THADA: variants seen among roughly 807,000 people sequenced by gnomAD.
THADA encodes the protein THADA armadillo repeat containing.
A neutral mutation model predicts 219.8 loss-of-function variants in THADA; 213 were observed. The ratio of observed to expected loss-of-function variants is 0.97; its 90% CI spans 0.87 to 1.09. The LOEUF (loss-of-function observed/expected upper bound fraction) is 1.09. Ranked by LOEUF, THADA falls within the 50% of genes least tolerant of loss-of-function variation. THADA has a pLI of 0.00. For missense variants in THADA, 2,956 were observed against 2,311.3 expected, an observed-to-expected ratio of 1.28 and a Z score of -5.72; for synonymous variants, 1,018 against 828.9, an observed-to-expected ratio of 1.23 and a Z score of -3.92.
chr2:43,325,219 G>A (rs1370802772), intron 30 of THADA, among the ~76,000 whole-genome samples: 2 of 152,126 alleles, frequency 1.3e-5, no homozygotes, highest in Admixed American at 1.3e-4. Context: ...CCAGTGTCTA[G>A]AGGACAGCAG....
At chr2:43,248,594 T>G (rs1258933133) in intron 36 of THADA, among the ~76,000 whole-genome samples, 1 of 152,202 alleles carries the variant, frequency 6.6e-6, no homozygotes, top group Non-Finnish European at 1.5e-5. Flanking sequence ...AAATAATTTC[T>G]TGATGAAATG....
chr2:43,553,289 T>C (rs566768038), intron 17 of THADA, among the ~76,000 whole-genome samples: 1 of 152,342 alleles, frequency 6.6e-6, no homozygotes, highest in African/African-American at 2.4e-5. Flanking sequence ...ATGTTTGTGC[T>C]TCCTCCCCCA....
intron 20 of THADA, among the ~76,000 whole-genome samples, chr2:43,545,674 G>A (rs955118477): frequency 2.0e-5 from 3 of 152,082 alleles, no homozygotes; most frequent in Admixed American, 6.6e-5. Flanking sequence ...AGTGTTTGTA[G>A]TATTCTCTGA....
chr2:43,474,285 T>G (rs1402625026), intron 26 of THADA, among the ~76,000 whole-genome samples: 1 of 152,220 alleles, frequency 6.6e-6, no homozygotes, highest in African/African-American at 2.4e-5. Context: ...GTTTTAAGAC[T>G]GTGAGAAAGA....
At chr2:43,593,898 G>A (rs1389522377) in intron 1 of THADA, among the ~76,000 whole-genome samples, 2 of 152,128 alleles carry the variant, frequency 1.3e-5, no homozygotes, top group African/African-American at 4.8e-5. Flanking sequence ...CCCCCAAAGT[G>A]CTGGGATTAC....
In THADA at chr2:43,440,446, T is replaced by G. The variant is rs575297387; in HGVS notation, c.3837-10144A>C. Among the ~76,000 whole-genome samples the G allele has an allele frequency of 9.8e-5, 15 of 152,336 alleles. No individual in the cohort carries two copies. In the East Asian group the frequency reaches 2.7e-3, roughly 27 times the overall value. Reference sequence around the variant, plus strand: ...CTTGGGTTTTACAGGATCACTGTTTTACACAGGGAGAAAGCAAAATCATTC... The same window carrying G: ...CTTGGGTTTTACAGGATCACTGTTTGACACAGGGAGAAAGCAAAATCATTC... On this transcript the variant is annotated intron_variant, in intron 26 of 37. Transcript: ENST00000405975.
chr2:43,291,311 C>A (rs185503483), intron 34 of THADA, among the ~76,000 whole-genome samples: 3 of 151,404 alleles, frequency 2.0e-5, no homozygotes, highest in African/African-American at 7.3e-5. Context: ...ATTAGCCGGG[C>A]GTGCTGGCAC....
intron 35 of THADA, among the ~76,000 whole-genome samples, chr2:43,284,698 C>T (rs773495283): frequency 2.6e-5 from 4 of 152,172 alleles, no homozygotes; most frequent in South Asian, 2.1e-4. Flanking sequence ...AGAGGACCAC[C>T]GTCCTCCAGA....
chr2:43,489,006 G>T (rs1687265407), intron 25 of THADA, among the ~76,000 whole-genome samples: 1 of 152,084 alleles, frequency 6.6e-6, no homozygotes, highest in South Asian at 2.1e-4. Context: ...AAATTGGGTT[G>T]TCGTTTATTA....
chr2:43,474,370 CCT>C (rs975244683), intron 26 of THADA, among the ~76,000 whole-genome samples: 2 of 152,116 alleles, frequency 1.3e-5, no homozygotes, highest in African/African-American at 4.8e-5. Context: ...AGGCTCTTCC[CCT>C]GAGAGAGAGG....
intron 31 of THADA, among the ~76,000 whole-genome samples, chr2:43,302,477 G>A (rs1204778076): frequency 2.7e-5 from 4 of 145,610 alleles, no homozygotes; most frequent in Middle Eastern, 3.4e-3. Context: ...TTCACTCTTT[G>A]GAGCAAGTAA....
At chr2:43,238,118 C>CAAAAAAAAAAAAAAAAAA (rs59802310) in intron 36 of THADA, among the ~76,000 whole-genome samples, 5 of 28,280 alleles carry the variant, frequency 1.8e-4, no homozygotes, top group Admixed American at 7.2e-4. Flanking sequence ...GATTCCATCT[C>CAAAAAAAAAAAAAAAAAA]AAAAAAAAAA....
chr2:43,272,117 G>A (rs1251218287), intron 36 of THADA, among the ~76,000 whole-genome samples: 2 of 152,198 alleles, frequency 1.3e-5, no homozygotes, highest in East Asian at 3.8e-4. Flanking sequence ...GACAAGGGAA[G>A]AATATTCCAA....
rs1223696370 is a variant in THADA at position 43,549,245 on chromosome 2, C to T, written c.3071G>A (p.Ser1024Asn). The change falls in exon 20 of 38, where the codon AGT (serine) becomes AAT (asparagine). Residue 1024 changes from serine to asparagine, a missense_variant. Transcript: ENST00000405975. ...TGTAGAAGTATCAATATTCACCACA[C>T]TAGCATTCAAGTCCTTCATATCAAA... is the stretch of plus-strand genomic sequence containing the variant. The part of the protein sequence containing the change: ...DSFDMKDLNA[S>N]VVNIDTSTEI... 1.9e-6 allele frequency: 3 copies of T among 1,589,188 alleles called. No homozygotes were observed. The highest frequency in any genetic ancestry group is 2.6e-6 in the Non-Finnish European group (3 of 1,167,160).
chr2:43,317,194 G>A (rs1383321159), intron 31 of THADA, among the ~76,000 whole-genome samples: 1 of 152,178 alleles, frequency 6.6e-6, no homozygotes, highest in Non-Finnish European at 1.5e-5. Context: ...TCTGGACTTT[G>A]TGAGCTAATA....
At chr2:43,321,754 T>A (rs1311576715) in intron 30 of THADA, among the ~76,000 whole-genome samples, 1 of 152,222 alleles carries the variant, frequency 6.6e-6, no homozygotes, top group Admixed American at 6.5e-5. Context: ...GTGTTCAATG[T>A]GGCACAGTAA....
intron 28 of THADA, among the ~76,000 whole-genome samples, chr2:43,411,947 T>C (rs1439170652): frequency 6.6e-6 from 1 of 152,190 alleles, no homozygotes; most frequent in Non-Finnish European, 1.5e-5. Context: ...ATGGGAAACA[T>C]GTCAGTAAAG....
chr2:43,261,970 C>A (rs1558483188), intron 36 of THADA, among the ~76,000 whole-genome samples: 2 of 152,164 alleles, frequency 1.3e-5, no homozygotes, highest in East Asian at 3.9e-4. Flanking sequence ...TGGGGCTTTG[C>A]CACGTTAGCA....
At chr2:43,380,883 G>T (rs1473680458) in intron 29 of THADA, among the ~76,000 whole-genome samples, 4 of 152,134 alleles carry the variant, frequency 2.6e-5, no homozygotes, top group Non-Finnish European at 5.9e-5. Context: ...TGGATCACCT[G>T]AGGTTAGGAG....
Sources: gnomAD v4.1 joint callset for allele counts (sites outside exome capture counted in the v4.1 genomes callset) on GRCh38, gnomAD v4.1.1 for gene constraint, MANE v1.5 for transcripts, NCBI Gene and HGNC (gene_info 2026-07-23, HGNC 2026-07-21) for gene names.